HNF4A: variants seen among roughly 807,000 people sequenced by gnomAD.
HNF4A encodes hepatocyte nuclear factor 4-alpha.
Under a neutral mutation model 52.4 loss-of-function variants are expected in HNF4A, and 15 were observed. The observed-to-expected ratio is 0.29, with a 90% CI of 0.19 to 0.44. HNF4A has a LOEUF of 0.44. Among genes scored for constraint, HNF4A ranks in the 20% least tolerant of loss-of-function variants. HNF4A has a pLI of 1.00. For missense variants in HNF4A, 479 were observed against 647.2 expected, an observed-to-expected ratio of 0.74 and a Z score of 2.82; for synonymous variants, 280 against 264.4, an observed-to-expected ratio of 1.06 and a Z score of -0.57.
At position 44,424,097 on chromosome 20, in the gene HNF4A, C is replaced by T. The variant is rs186151007; in HGVS notation, c.972C>T (p.Asn324=). ...AGGTGAGCTTGGAGGACTACATCAACGACCGCCAGTATGACTCGCGTGGCC... is the reference window on the plus strand; with the variant it reads ...AGGTGAGCTTGGAGGACTACATCAATGACCGCCAGTATGACTCGCGTGGCC... The change falls in exon 8 of 10, where the codon AAC becomes AAT. Residue 324 remains asparagine (N), a synonymous_variant. Transcript: ENST00000316099. 8 of 1,613,354 alleles carry T rather than the reference C, an allele frequency of 5.0e-6. No individual in the cohort carries two copies. Among genetic ancestry groups the T allele is most frequent in the East Asian group, 2.2e-5 (1 of 44,868 alleles).
At chr20:44,397,631 CTT>C (rs915875557), upstream of HNF4A, among the ~76,000 whole-genome samples, 1 of 144,504 alleles carries the variant, frequency 6.9e-6, no homozygotes, top group Admixed American at 7.0e-5. Flanking sequence ...AGAAAACATT[CTT>C]TTTTTTTTTT....
exon 1 of HNF4A, chr20:44,355,710 C>T: frequency 2.7e-6 from 3 of 1,131,534 alleles, no homozygotes; most frequent in Admixed American, 3.5e-5. Flanking sequence ...CACTCACCGC[C>T]TTCCTGGTGG....
upstream of HNF4A, among the ~76,000 whole-genome samples, chr20:44,398,630 G>A (rs1053242818): frequency 2.6e-5 from 4 of 152,202 alleles, no homozygotes; most frequent in African/African-American, 9.7e-5. Context: ...TTATAATGTG[G>A]TGGGATGTGA....
chr20:44,424,578 T>A, intron 8 of HNF4A: 3 of 1,344,134 alleles, frequency 2.2e-6, no homozygotes, highest in Non-Finnish European at 3.0e-6. Context: ...TATGCCCGTA[T>A]GTGCGTGCAT....
At chr20:44,425,116 G>A (rs1350976616) in intron 8 of HNF4A, among the ~76,000 whole-genome samples, 1 of 152,114 alleles carries the variant, frequency 6.6e-6, no homozygotes, top group Non-Finnish European at 1.5e-5. Flanking sequence ...TGAGTAGTTG[G>A]GATTACAGGC....
chr20:44,376,585 C>G (rs1275492380), intron 1 of HNF4A, among the ~76,000 whole-genome samples: 1 of 152,018 alleles, frequency 6.6e-6, no homozygotes, highest in East Asian at 1.9e-4. Context: ...GTTTTAATGA[C>G]AAATTAAACA....
upstream of HNF4A, among the ~76,000 whole-genome samples, chr20:44,396,953 T>C (rs1415329023): frequency 6.6e-6 from 1 of 152,206 alleles, no homozygotes; most frequent in Non-Finnish European, 1.5e-5. Context: ...GCTTATCTAC[T>C]CTCTCATTTA....
chr20:44,365,420 T>G (rs1421826170), intron 1 of HNF4A, among the ~76,000 whole-genome samples: 11 of 152,084 alleles, frequency 7.2e-5, no homozygotes, highest in Non-Finnish European at 4.4e-5. Context: ...TCTTCCTGCA[T>G]CAGCCTCCCA....
chr20:44,423,373 A>G (rs1444905272), intron 7 of HNF4A, among the ~76,000 whole-genome samples: 4 of 152,170 alleles, frequency 2.6e-5, no homozygotes, highest in African/African-American at 9.6e-5. Context: ...CCCCTGCCAA[A>G]CTCACAGTTG....
rs138821951 is a variant in HNF4A at position 44,375,986 on chromosome 20, C to A, written c.49+20133C>A. 3.6e-3 allele frequency among the ~76,000 whole-genome samples: 550 copies of A among 152,220 alleles called. 2 individuals are homozygous for A. Among genetic ancestry groups the A allele is most frequent in the African/African-American group, 0.013 (527 of 41,532 alleles). ...CTAGGGCCGGGCATGGTGGCTCATG[C>A]CTGTAATCCCAGCACTTTGGGAGGT... On this transcript the variant is annotated intron_variant, in intron 1 of 9. Transcript: ENST00000316673.
In HNF4A at chr20:44,428,366, C is replaced by T; in HGVS notation, c.1161C>T (p.His387=). The T allele has an allele frequency of 6.2e-7, 1 of 1,614,044 alleles. No homozygotes were observed. Among genetic ancestry groups the T allele is most frequent in the Non-Finnish European group, 8.5e-7 (1 of 1,179,920 alleles). ...CCAGCGATGCACCCCATGCCCACCA[C>T]CCCCTGCACCCTCACCTGATGCAGG... is the stretch of plus-strand genomic sequence containing the variant. Residue 387 remains histidine (H), a synonymous_variant, in exon 9 of 10, where the codon CAC becomes CAT. Transcript: ENST00000316099.
intron 1 of HNF4A, among the ~76,000 whole-genome samples, chr20:44,373,565 G>A (rs1257367367): frequency 2.0e-5 from 3 of 152,036 alleles, no homozygotes; most frequent in Non-Finnish European, 4.4e-5. Flanking sequence ...AGTTAACTGG[G>A]GGAGGAGAAA....
At position 44,405,484 on chromosome 20, in the gene HNF4A, C is replaced by T. The variant is rs189510550; in HGVS notation, c.116-574C>T. Among the ~76,000 whole-genome samples the T allele has an allele frequency of 5.0e-3, 754 of 152,238 alleles. 5 individuals carry two copies. Among genetic ancestry groups the T allele is most frequent in the African/African-American group, 0.017 (709 of 41,552 alleles). ...CTTTCCACCTGCCTCTACGGCCCCC[C>T]TCACATTTGTGTAGATGCAGTAGCT... On this transcript the variant is annotated intron_variant, in intron 1 of 9. Coordinates refer to ENST00000316099, the MANE Select transcript of HNF4A (RefSeq NM_000457.6).
intron 1 of HNF4A, among the ~76,000 whole-genome samples, chr20:44,405,079 G>GTGTGGTGCGTGTGTGTGGACTA (rs2063480085): frequency 7.9e-5 from 1 of 12,588 alleles, no homozygotes; most frequent in Admixed American, 8.7e-4. Context: ...TGTGTGGACT[G>GTGTGGTGCGTGTGTGTGGACTA]TGTGGTGCGT....
At chr20:44,362,527 A>C (rs1374449362) in intron 1 of HNF4A, among the ~76,000 whole-genome samples, 1 of 152,078 alleles carries the variant, frequency 6.6e-6, no homozygotes, top group Non-Finnish European at 1.5e-5. Context: ...GTCAATGATA[A>C]CGAAAGGAAT....
At chr20:44,418,328 G>A (rs1200692786) in intron 5 of HNF4A, 97 bp from the exon 6 acceptor site, 2 of 901,820 alleles carry the variant, frequency 2.2e-6, no homozygotes, top group African/African-American at 3.3e-5. Flanking sequence ...TAGAGGCAGA[G>A]GGGAGCATTA....
intron 8 of HNF4A, among the ~76,000 whole-genome samples, chr20:44,428,121 G>C (rs969736290): frequency 1.3e-5 from 2 of 152,124 alleles, no homozygotes; most frequent in Non-Finnish European, 2.9e-5. Context: ...ACTCACTTTT[G>C]TTCTCTTGGT....
intron 3 of HNF4A, among the ~76,000 whole-genome samples, chr20:44,407,757 T>TTTTGTG (rs141951275): frequency 1.4e-5 from 2 of 145,846 alleles, no homozygotes; most frequent in Non-Finnish European, 3.0e-5. Context: ...AGCAGCCACG[T>TTTTGTG]TGTGTGTGTG....
intron 7 of HNF4A, among the ~76,000 whole-genome samples, chr20:44,422,548 T>C (rs2063760408): frequency 6.6e-6 from 1 of 152,018 alleles, no homozygotes; most frequent in African/African-American, 2.4e-5. Flanking sequence ...AGATTAAATA[T>C]TGTATGACCG....
Sources: gnomAD v4.1 joint callset for allele counts (sites outside exome capture counted in the v4.1 genomes callset) on GRCh38, gnomAD v4.1.1 for gene constraint, MANE v1.5 for transcripts, NCBI Gene and HGNC (gene_info 2026-07-23, HGNC 2026-07-21) for gene names.